Variants in ANAPC15 observed in about 807,000 individuals in gnomAD.
ANAPC15 encodes the protein anaphase-promoting complex subunit 15.
Under a neutral mutation model 19.8 loss-of-function variants are expected in ANAPC15, and 13 were observed. The ratio of observed to expected loss-of-function variants is 0.66; its 90% CI spans 0.43 to 1.04. ANAPC15 has a LOEUF of 1.04. Ranked by LOEUF, ANAPC15 falls within the 50% of genes least tolerant of loss-of-function variation. The pLI, the probability that ANAPC15 is intolerant of heterozygous loss-of-function variation, is 0.00. For missense variants in ANAPC15, 88 were observed against 150.3 expected, an observed-to-expected ratio of 0.59 and a Z score of 2.17; for synonymous variants, 45 against 50.7, an observed-to-expected ratio of 0.89 and a Z score of 0.47.
chr11:72,108,034 G>A, downstream of ANAPC15: 1 of 1,551,536 alleles, frequency 6.4e-7, no homozygotes, highest in Non-Finnish European at 8.7e-7. Context: ...CCCCCTGGGG[G>A]TCGCCTTCTT....
downstream of ANAPC15, chr11:72,108,798 C>A: frequency 6.4e-7 from 1 of 1,550,542 alleles, no homozygotes; most frequent in Non-Finnish European, 8.7e-7. Context: ...TTCCCTGGTG[C>A]ACCCCGCTTC....
chr11:72,110,044 C>T (rs757472656), intron 5 of ANAPC15, 44 bp downstream of exon 5: 5 of 1,613,950 alleles, frequency 3.1e-6, no homozygotes, highest in Non-Finnish European at 4.2e-6. Flanking sequence ...GGGTCAGGAG[C>T]AAGGGTCCAG....
At chr11:72,110,798 CCTT>C (rs1299143797) in intron 3 of ANAPC15, 195 bp from the exon 4 acceptor site, 1 of 612,048 alleles carries the variant, frequency 1.6e-6, no homozygotes, top group South Asian at 2.1e-5. Context: ...ACTCTCTGAG[CCTT>C]CTTTTTTTTG....
chr11:72,110,981 A>G (rs1178274720), intron 3 of ANAPC15, among the ~76,000 whole-genome samples, 176 bp downstream of exon 3: 1 of 152,216 alleles, frequency 6.6e-6, no homozygotes, highest in African/African-American at 2.4e-5. Context: ...GTACCCCTGT[A>G]AAATAGGGTA....
In ANAPC15 at chr11:72,110,217, A is replaced by G. The variant is rs199779840; in HGVS notation, c.189T>C (p.Asp63=). The change falls in exon 5 of 6, where the codon GAT becomes GAC. Residue 63 remains aspartate, a synonymous_variant. Transcript: ENST00000227618. ...PIGKPASEHY[D]DEEEEDDEDD... is the part of the protein sequence containing the mutation. ...CTTCATCATCCTCTTCTTCCTCGTC[A>G]TCATAGTGCTGGTGGGCAGGACAGA... 1.9e-6 allele frequency: 3 copies of G among 1,613,646 alleles called. No individual in the cohort carries two copies. Among genetic ancestry groups the G allele is most frequent in the South Asian group, 2.2e-5 (2 of 91,068 alleles).
chr11:72,111,594 G>A (rs1946965695), intron 1 of ANAPC15, 98 bp from the exon 2 acceptor site: 1 of 231,414 alleles, frequency 4.3e-6, no homozygotes, highest in African/African-American at 2.3e-5. Flanking sequence ...GCTGTTCAAG[G>A]AGGGATGAGA....
downstream of ANAPC15, chr11:72,109,036 G>A: frequency 1.0e-6 from 1 of 953,748 alleles, no homozygotes; most frequent in South Asian, 1.7e-5. Flanking sequence ...TGGGCTCAGG[G>A]CTAGGGAGTC....
chr11:72,108,704 C>T (rs923848175), downstream of ANAPC15: 34 of 1,548,236 alleles, frequency 2.2e-5, no homozygotes, highest in East Asian at 1.5e-4. Flanking sequence ...ACACCGGCCA[C>T]GATGTTACCT....
chr11:72,108,513 G>A (rs902543462), downstream of ANAPC15: 5 of 1,167,934 alleles, frequency 4.3e-6, no homozygotes, highest in South Asian at 1.8e-5. Context: ...GCTAAGCCAG[G>A]ACCTGGCATG....
chr11:72,108,221 A>C (rs533495759), downstream of ANAPC15: 1 of 1,027,656 alleles, frequency 9.7e-7, no homozygotes, highest in Admixed American at 3.0e-5. Flanking sequence ...AAGCACCTCC[A>C]CTCTGGGGAC....
intron 3 of ANAPC15, 99 bp downstream of exon 3, chr11:72,111,058 C>G: frequency 1.1e-6 from 1 of 874,574 alleles, no homozygotes; most frequent in South Asian, 1.6e-5. Flanking sequence ...GCAAAAAGCT[C>G]TTCCTGGGTA....
chr11:72,107,120 A>G (rs1017738997), downstream of ANAPC15: 26 of 324,214 alleles, frequency 8.0e-5, no homozygotes, highest in Non-Finnish European at 1.2e-4. Context: ...TTTAAAAATT[A>G]GCCGGGTGTG....
Position 72,109,924 on chromosome 11 carries a change from T to A in ANAPC15, c.323A>T (p.Asp108Val), listed in dbSNP as rs774633993. The change falls in exon 6 of 6, where the codon GAC becomes GTC. Residue 108 changes from aspartate to valine, a missense_variant. By Grantham distance (152) the Asp-to-Val change is radical (BLOSUM62 -3). Transcript: ENST00000227618. ...SPDDGEVNEV[D>V]MEGNEQDQDQ... ...CTGATCCTGTTCGTTGCCTTCCATG[T>A]CCACCTGGAGAGGAGGCTGGGTGTG... 1 of 1,614,088 alleles carries A rather than the reference T, an allele frequency of 6.2e-7. No individual in the cohort carries two copies. The highest frequency in any genetic ancestry group is 8.5e-7 in the Non-Finnish European group (1 of 1,180,000).
rs1479468023 is a variant in ANAPC15, at chr11:72,110,184, CTCA to C, written c.219_221del (p.Asp73del). The stretch of plus-strand genomic sequence containing the variant: ...CATCCTCTGAGTCCTCTTCACTATC[CTCA>C]TCATCTTCATCATCCTCTTCTTCCT... On this transcript the variant is annotated inframe_deletion, in exon 5 of 6. Transcript: ENST00000227618. 4 of 1,614,024 alleles carry C rather than the reference CTCA, an allele frequency of 2.5e-6. No individual in the cohort carries two copies. The highest frequency in any genetic ancestry group is 3.4e-6 in the Non-Finnish European group (4 of 1,180,036).
chr11:72,110,801 T>A (rs937900302), intron 3 of ANAPC15, 198 bp from the exon 4 acceptor site: 2 of 606,790 alleles, frequency 3.3e-6, no homozygotes, highest in Non-Finnish European at 5.7e-6. Context: ...CTCTGAGCCT[T>A]CTTTTTTTTG....
At chr11:72,111,384 A>G in intron 2 of ANAPC15, 28 bp downstream of exon 2, 1 of 903,282 alleles carries the variant, frequency 1.1e-6, no homozygotes, top group South Asian at 1.5e-5. Flanking sequence ...GCAGGAAAGC[A>G]GCCCCTCCCC....
Position 72,111,508 on chromosome 11 carries a change from G to A in ANAPC15, c.-95-12C>T. The A allele has an allele frequency of 2.3e-6, 1 of 436,966 alleles. No homozygotes were observed. Among genetic ancestry groups the A allele is most frequent in the Non-Finnish European group, 4.2e-6 (1 of 238,518 alleles). 27.1% of individuals were successfully genotyped at this position (436,966 alleles called of 1,614,324 possible). ...CTCAGTGTCTTCATCTGTAAAATGGGGATAATAACAATTATACCACTGTCA... is the reference window on the plus strand; with the variant it reads ...CTCAGTGTCTTCATCTGTAAAATGGAGATAATAACAATTATACCACTGTCA... On this transcript the variant is annotated splice_polypyrimidine_tract_variant and intron_variant, in intron 1 of 5. Transcript: ENST00000227618.
chr11:72,111,054 A>C, intron 3 of ANAPC15, 103 bp downstream of exon 3: 1 of 836,272 alleles, frequency 1.2e-6, no homozygotes, highest in Non-Finnish European at 1.9e-6. Context: ...CAGGGCAAAA[A>C]GCTCTTCCTG....
At chr11:72,109,575 A>G, downstream of ANAPC15, 1 of 502,906 alleles carries the variant, frequency 2.0e-6, no homozygotes, top group South Asian at 2.0e-5. Context: ...ACAAATAGGG[A>G]ATAGACATGG....
Sources: allele counts gnomAD v4.1 joint callset (sites outside exome capture counted in the v4.1 genomes callset), GRCh38; gene constraint gnomAD v4.1.1; transcripts MANE v1.5; gene names NCBI Gene and HGNC (gene_info 2026-07-23, HGNC 2026-07-21).